PACRG: variants seen among roughly 807,000 people sequenced by gnomAD.
PACRG encodes the protein parkin coregulated gene protein.
PACRG carries 29 observed loss-of-function variants against 29.7 expected under a neutral mutation model. The ratio of observed to expected loss-of-function variants is 0.98; its 90% CI spans 0.73 to 1.33. The LOEUF is 1.33. Among genes scored for constraint, PACRG ranks in the 40% most tolerant of loss-of-function variants. The pLI is 0.00. For missense variants in PACRG, 279 were observed against 316.2 expected (o/e 0.88, Z 0.89); for synonymous variants, 116 against 118.7 (o/e 0.98, Z 0.15).
chr6:163,137,890 A>G (rs2128332746), intron 4 of PACRG, among the ~76,000 whole-genome samples: 1 of 152,336 alleles, frequency 6.6e-6, no homozygotes, highest in Middle Eastern at 3.4e-3. Flanking sequence ...CTCCCTGCAA[A>G]TATTCTCATG....
At chr6:162,727,691 G>A, upstream of PACRG, 16 of 1,570,168 alleles carry the variant, frequency 1.0e-5, no homozygotes, top group Non-Finnish European at 1.4e-5. Flanking sequence ...GGTGGCGGCT[G>A]CGGGCCAGGA....
At position 162,769,885 on chromosome 6, in the gene PACRG, A is replaced by T. The variant is rs919433570; in HGVS notation, c.156+41494A>T. Among the ~76,000 whole-genome samples, 17 of 152,148 alleles carry T rather than the reference A, an allele frequency of 1.1e-4. 1 individual carries two copies. The highest frequency in any genetic ancestry group is 4.1e-4 in the African/African-American group (17 of 41,518). ...ATAGATAATGATATCATTATGACTG[A>T]TTCTTATTGATTACATTAAAGTGAT... On this transcript the variant is annotated intron_variant, in intron 1 of 4. Coordinates refer to ENST00000366888, the MANE Select transcript of PACRG (RefSeq NM_001080379.2).
intron 2 of PACRG, among the ~76,000 whole-genome samples, chr6:162,902,152 T>A (rs1261129430): frequency 1.3e-5 from 2 of 152,264 alleles, no homozygotes; most frequent in Non-Finnish European, 2.9e-5. Context: ...ATGTGATAAG[T>A]ATGGGTTCTG....
chr6:162,962,369 G>A (rs1800695671), intron 2 of PACRG, among the ~76,000 whole-genome samples: 1 of 152,210 alleles, frequency 6.6e-6, no homozygotes, highest in South Asian at 2.1e-4. Flanking sequence ...TGAGAAAGTT[G>A]TTGACTCCAC....
intron 4 of PACRG, among the ~76,000 whole-genome samples, chr6:163,272,712 C>A (rs116693351): frequency 6.6e-6 from 1 of 151,888 alleles, no homozygotes; most frequent in Non-Finnish European, 1.5e-5. Flanking sequence ...TTTCACTCTT[C>A]GTATTTTGTT....
At chr6:163,024,613 G>A (rs1054771870) in intron 2 of PACRG, among the ~76,000 whole-genome samples, 1 of 152,094 alleles carries the variant, frequency 6.6e-6, no homozygotes, top group Non-Finnish European at 1.5e-5. Flanking sequence ...TGTGAAGAAT[G>A]ACATTAAAGT....
At chr6:163,073,388 A>G (rs1812255653) in intron 3 of PACRG, among the ~76,000 whole-genome samples, 1 of 152,178 alleles carries the variant, frequency 6.6e-6, no homozygotes, top group South Asian at 2.1e-4. Flanking sequence ...TATGCACAAG[A>G]ATGAAACTAG....
intron 1 of PACRG, among the ~76,000 whole-genome samples, chr6:162,806,253 C>T (rs776563000): frequency 1.4e-4 from 22 of 151,818 alleles, no homozygotes; most frequent in Non-Finnish European, 3.2e-4. Flanking sequence ...GGATCACAGG[C>T]ATGCACCACC....
chr6:163,176,318 A>G (rs1339760110), intron 4 of PACRG, among the ~76,000 whole-genome samples: 1 of 152,238 alleles, frequency 6.6e-6, no homozygotes, highest in Non-Finnish European at 1.5e-5. Flanking sequence ...CAATCTTGAT[A>G]TAAGTCACAA....
Position 162,728,026 on chromosome 6 carries a change from G to A in PACRG, c.-210G>A. 1.5e-6 allele frequency: 1 copy of A among 675,750 alleles called. No individual in the cohort carries two copies. The highest frequency in any genetic ancestry group is 2.6e-6 in the Non-Finnish European group (1 of 389,094). 41.9% of individuals were successfully genotyped at this position (675,750 alleles called of 1,614,324 possible). A position where few individuals can be genotyped will look rare whatever the true frequency, so the allele number is the denominator to read the frequency against. On this transcript the variant is annotated 5_prime_UTR_variant, in exon 1 of 5. Coordinates refer to ENST00000366888, the MANE Select transcript of PACRG (RefSeq NM_001080379.2). ...GAAGCTTGTTGCAGCTCTAGCCAAG[G>A]TCCTGCCCTCTTCCCGCCCCGCCCC...
chr6:163,095,495 A>C (rs1220644713), intron 4 of PACRG: 1 of 908,492 alleles, frequency 1.1e-6, no homozygotes, highest in South Asian at 5.1e-5. Context: ...TAAACAACAG[A>C]AATGTATCGT....
At chr6:162,870,427 A>C (rs1792703349) in intron 2 of PACRG, among the ~76,000 whole-genome samples, 1 of 152,106 alleles carries the variant, frequency 6.6e-6, no homozygotes, top group African/African-American at 2.4e-5. Context: ...TTCTTTTTTA[A>C]AATTCTTATT....
chr6:163,227,120 G>A (rs1781837779), intron 4 of PACRG, among the ~76,000 whole-genome samples: 1 of 152,144 alleles, frequency 6.6e-6, no homozygotes, highest in African/African-American at 2.4e-5. Flanking sequence ...CCTGAGGCTG[G>A]GTAATTTTTA....
chr6:162,750,128 A>G (rs984708816), intron 1 of PACRG, among the ~76,000 whole-genome samples: 2 of 152,232 alleles, frequency 1.3e-5, no homozygotes, highest in African/African-American at 2.4e-5. Flanking sequence ...TTCCGTGTAC[A>G]TAAAACTTAA....
chr6:163,009,924 G>A (rs1378950776), intron 2 of PACRG, among the ~76,000 whole-genome samples: 1 of 152,092 alleles, frequency 6.6e-6, no homozygotes, highest in Non-Finnish European at 1.5e-5. Flanking sequence ...ACATTTATAT[G>A]TTTGTGTTTA....
At chr6:163,007,937 C>T (rs1438311584) in intron 2 of PACRG, among the ~76,000 whole-genome samples, 1 of 152,082 alleles carries the variant, frequency 6.6e-6, no homozygotes, top group African/African-American at 2.4e-5. Context: ...CTGAGCCTTC[C>T]ACTGCGTACT....
chr6:162,788,771 T>A (rs765980008), intron 1 of PACRG, among the ~76,000 whole-genome samples: 2 of 152,230 alleles, frequency 1.3e-5, no homozygotes, highest in African/African-American at 2.4e-5. Flanking sequence ...ATGCGGAGCA[T>A]CTTTTTGTAT....
Position 162,891,321 on chromosome 6 carries a change from G to A in PACRG, c.291+77040G>A, listed in dbSNP as rs148803240. ...TGAGAAGGGGAAGTTGAGGCACTAA[G>A]TAGAAGGAAAACCCTTAGGGAAGGT... On this transcript the variant is annotated intron_variant, in intron 2 of 4. Coordinates refer to ENST00000366888, the MANE Select transcript of PACRG (RefSeq NM_001080379.2). Among the ~76,000 whole-genome samples the A allele has an allele frequency of 1.8e-4, 27 of 152,332 alleles. No individual in the cohort carries two copies. In the East Asian group the frequency reaches 5.0e-3, roughly 28 times the overall value.
intron 4 of PACRG, among the ~76,000 whole-genome samples, chr6:163,197,546 C>A (rs1342637324): frequency 4.7e-5 from 7 of 150,298 alleles, no homozygotes; most frequent in African/African-American, 1.7e-4. Context: ...CGGGTTCACG[C>A]CATTCTCCTG....
Sources: allele counts gnomAD v4.1 joint callset (sites outside exome capture counted in the v4.1 genomes callset), GRCh38; gene constraint gnomAD v4.1.1; transcripts MANE v1.5; gene names NCBI Gene and HGNC (gene_info 2026-07-23, HGNC 2026-07-21).